The following PAPPA2 variants were observed in gnomAD, a reference collection of about 807,000 sequenced individuals.
The protein encoded by PAPPA2 is pappalysin 2.
In PAPPA2, 86 loss-of-function variants were observed where a neutral mutation model predicts 176.4. The observed-to-expected ratio is 0.49, with a 90% CI of 0.41 to 0.58. The LOEUF is 0.58. Ranked by LOEUF, PAPPA2 falls within the 20% of genes least tolerant of loss-of-function variation. PAPPA2 has a pLI of 0.00. For missense variants in PAPPA2, 2,073 were observed against 2,256.9 expected (o/e 0.92, Z 1.65); for synonymous variants, 809 against 852.2 (o/e 0.95, Z 0.88).
At chr1:176,659,764 A>G (rs2102756305) in intron 3 of PAPPA2, among the ~76,000 whole-genome samples, 1 of 152,228 alleles carries the variant, frequency 6.6e-6, no homozygotes, top group South Asian at 2.1e-4. Context: ...TCTGCTTAAT[A>G]TAAGAACTTA....
At position 176,789,969 on chromosome 1, in the gene PAPPA2, C is replaced by G. The variant is rs751301758; in HGVS notation, c.4876C>G (p.Arg1626Gly). 1.2e-6 allele frequency: 2 copies of G among 1,613,808 alleles called. No homozygotes were observed. Among genetic ancestry groups the G allele is most frequent in the Admixed American group, 1.7e-5 (1 of 59,982 alleles). The change falls in exon 18 of 23, where the codon CGT becomes GGT. Residue 1626 changes from arginine (R) to glycine (G), a missense_variant. Coordinates refer to ENST00000367662, the MANE Select transcript of PAPPA2 (RefSeq NM_020318.3). The part of the protein sequence containing the change: ...SQCVLNCNQE[R>G]EKLPILCTKE... ...GTGTGTGCTCAACTGTAACCAGGAA[C>G]GTGAAAAGGTAAGGAACATTTTTTG... is the stretch of plus-strand genomic sequence containing the variant.
chr1:176,621,874 T>C lies in PAPPA2; in HGVS notation c.1991+26279T>C, dbSNP rs180934725. Among the ~76,000 whole-genome samples the C allele has an allele frequency of 2.3e-3, 343 of 152,308 alleles. 2 individuals are homozygous for C. Among genetic ancestry groups the C allele is most frequent in the African/African-American group, 5.4e-3 (225 of 41,562 alleles). On this transcript the variant is annotated intron_variant, in intron 3 of 22. Coordinates refer to ENST00000367662, the MANE Select transcript of PAPPA2 (RefSeq NM_020318.3). The stretch of plus-strand genomic sequence containing the variant: ...ATTATAGAGTGTCTTTGGCCAGAGT[T>C]TTTATTAATATTTATTATTATTTGA...
At chr1:176,730,527 G>A (rs1397467076) in intron 12 of PAPPA2, among the ~76,000 whole-genome samples, 5 of 150,454 alleles carry the variant, frequency 3.3e-5, no homozygotes, top group Non-Finnish European at 5.9e-5. Context: ...GGGTTTGTCT[G>A]GCTTATCAGT....
At chr1:176,558,035 G>A (rs1325944421) in intron 2 of PAPPA2, among the ~76,000 whole-genome samples, 1 of 152,190 alleles carries the variant, frequency 6.6e-6, no homozygotes, top group African/African-American at 2.4e-5. Flanking sequence ...ACCCAGAAGG[G>A]CAAAGAAAAA....
intron 3 of PAPPA2, among the ~76,000 whole-genome samples, chr1:176,632,972 AAGG>A (rs779717980): frequency 1.3e-5 from 2 of 152,146 alleles, no homozygotes; most frequent in Non-Finnish European, 2.9e-5. Flanking sequence ...GAAGGAGAGG[AAGG>A]AGGAGAAGAA....
chr1:176,709,932 C>T (rs1201913349), intron 10 of PAPPA2, 51 bp from the exon 11 acceptor site: 1 of 1,487,360 alleles, frequency 6.7e-7, no homozygotes, highest in Non-Finnish European at 9.1e-7. Context: ...TCATTTTTTT[C>T]ATGACATTTA....
chr1:176,699,548 G>A lies in PAPPA2; in HGVS notation c.3195G>A (p.Leu1065=). 1.2e-6 allele frequency: 2 copies of A among 1,610,476 alleles called. No homozygotes were observed. Among genetic ancestry groups the A allele is most frequent in the South Asian group, 1.1e-5 (1 of 90,984 alleles). ...GCGATCCCCCATTTGCCAGTGGTTT[G>A]CCCGTGGTGGTGACACATTCTCACA... ...VLRDPPFASG[L]PVVVTHSHRK... The change falls in exon 8 of 23, where the codon TTG becomes TTA. Residue 1065 remains leucine (L), a synonymous_variant. Transcript: ENST00000367662.
chr1:176,495,315 C>T (rs1334439499), intron 1 of PAPPA2, among the ~76,000 whole-genome samples: 1 of 151,876 alleles, frequency 6.6e-6, no homozygotes, highest in East Asian at 1.9e-4. Flanking sequence ...CCGAGGCAGG[C>T]GAATCACCTA....
intron 12 of PAPPA2, among the ~76,000 whole-genome samples, chr1:176,731,643 G>A (rs935337843): frequency 6.6e-6 from 1 of 151,230 alleles, no homozygotes; most frequent in Non-Finnish European, 1.5e-5. Context: ...ATTTATATGT[G>A]TATATATACA....
At chr1:176,706,539 T>C (rs1402608558) in intron 10 of PAPPA2, 89 bp downstream of exon 10, 2 of 1,103,666 alleles carry the variant, frequency 1.8e-6, no homozygotes, top group Non-Finnish European at 1.3e-6. Context: ...ACATCTAGCT[T>C]AGTGATTATA....
Position 176,607,637 on chromosome 1 carries a change from A to G in PAPPA2, c.1991+12042A>G, listed in dbSNP as rs114867363. Among the ~76,000 whole-genome samples the G allele has an allele frequency of 5.5e-3, 834 of 152,240 alleles. 8 individuals carry two copies. Among genetic ancestry groups the G allele is most frequent in the Middle Eastern group, 0.01 (3 of 294 alleles). ...GACACTTAGGTTGACTGGACTTTCT[A>G]TTAAATGTATATGACTACTTGTACC... On this transcript the variant is annotated intron_variant, in intron 3 of 22. Coordinates refer to ENST00000367662, the MANE Select transcript of PAPPA2 (RefSeq NM_020318.3).
intron 21 of PAPPA2, among the ~76,000 whole-genome samples, chr1:176,806,632 C>T (rs1302698023): frequency 6.6e-6 from 1 of 152,188 alleles, no homozygotes; most frequent in Non-Finnish European, 1.5e-5. Flanking sequence ...GTTAACTTTT[C>T]TGAATTTAAG....
At chr1:176,488,543 G>A (rs1047890751) in intron 1 of PAPPA2, among the ~76,000 whole-genome samples, 1 of 152,056 alleles carries the variant, frequency 6.6e-6, no homozygotes, top group Admixed American at 6.6e-5. Flanking sequence ...ACTCTCTTAG[G>A]TTCCACTTCT....
In PAPPA2 at chr1:176,510,810, T is replaced by TACACACACACACACACAC. The variant is rs200808228; in HGVS notation, c.-916-44575_-916-44558dup. ...ATATTTTAAAATTTAAAGCAACACA[T>TACACACACACACACACAC]ACACACACACACACACACACACACA... On this transcript the variant is annotated intron_variant, in intron 1 of 22. Coordinates refer to ENST00000367662, the MANE Select transcript of PAPPA2 (RefSeq NM_020318.3). Among the ~76,000 whole-genome samples the TACACACACACACACACAC allele has an allele frequency of 7.2e-3, 909 of 126,496 alleles. 11 individuals carry two copies. The highest frequency in any genetic ancestry group is 0.013 in the African/African-American group (449 of 34,820). 83.0% of individuals were successfully genotyped at this position (126,496 alleles called of 152,430 possible).
chr1:176,773,716 G>T (rs1183061228), intron 17 of PAPPA2, among the ~76,000 whole-genome samples: 1 of 152,106 alleles, frequency 6.6e-6, no homozygotes. Context: ...CAATACACAT[G>T]CTATGTATTT....
At chr1:176,572,729 A>G (rs1394830716) in intron 2 of PAPPA2, among the ~76,000 whole-genome samples, 2 of 152,226 alleles carry the variant, frequency 1.3e-5, no homozygotes, top group African/African-American at 4.8e-5. Flanking sequence ...ATGCTGTGAA[A>G]GTCATACAAT....
At chr1:176,582,004 A>G (rs1176980801) in intron 2 of PAPPA2, among the ~76,000 whole-genome samples, 1 of 147,250 alleles carries the variant, frequency 6.8e-6, no homozygotes, top group Non-Finnish European at 1.5e-5. Flanking sequence ...GCTCACTGCA[A>G]GCTCCGCCTC....
rs1661024614 is a variant in PAPPA2, at chr1:176,709,126, G to A, written c.3458-857G>A. Among the ~76,000 whole-genome samples the A allele has an allele frequency of 5.3e-5, 8 of 152,118 alleles. 1 individual carries two copies. Among genetic ancestry groups the A allele is most frequent in the Admixed American group, 3.9e-4 (6 of 15,258 alleles). On this transcript the variant is annotated intron_variant, in intron 10 of 22. Coordinates refer to ENST00000367662, the MANE Select transcript of PAPPA2 (RefSeq NM_020318.3). ...TATCGTATGAGCAAGAATGGAACTT[G>A]TCCAGTGCATACTAGCTGGCTTTAC... is the stretch of plus-strand genomic sequence containing the variant.
At chr1:176,603,163 C>A (rs1453280672) in intron 3 of PAPPA2, among the ~76,000 whole-genome samples, 1 of 152,228 alleles carries the variant, frequency 6.6e-6, no homozygotes, top group Non-Finnish European at 1.5e-5. Flanking sequence ...CTCAGTTATT[C>A]AAAATACTTC....
Sources: allele counts gnomAD v4.1 joint callset (sites outside exome capture counted in the v4.1 genomes callset), GRCh38; gene constraint gnomAD v4.1.1; transcripts MANE v1.5; gene names NCBI Gene and HGNC (gene_info 2026-07-23, HGNC 2026-07-21).